The following HAO1 variants were observed in gnomAD, a reference collection of about 807,000 sequenced individuals.
HAO1 encodes hydroxyacid oxidase 1, also known as 2-Hydroxyacid oxidase 1.
HAO1 carries 34 observed loss-of-function variants against 39.7 expected under a neutral mutation model. That is an observed-to-expected ratio of 0.86 (90% CI 0.65 to 1.14). The LOEUF (loss-of-function observed/expected upper bound fraction) is 1.14, where lower values mean the gene tolerates loss of function less well. Ranked by LOEUF, HAO1 falls within the 50% of genes most tolerant of loss-of-function variation. The probability of loss-of-function intolerance (pLI) is 0.00; values close to 1 mark genes in which losing one functional copy is unlikely to be tolerated. For synonymous variants in HAO1, 172 were observed against 173.2 expected, an observed-to-expected ratio of 0.99 and a Z score of 0.05; for missense variants, 479 against 464.5, an observed-to-expected ratio of 1.03 and a Z score of -0.29.
chr20:7,918,956 T>C (rs1268469188), intron 2 of HAO1, among the ~76,000 whole-genome samples: 2 of 152,198 alleles, frequency 1.3e-5, no homozygotes, highest in Non-Finnish European at 2.9e-5. Context: ...TCATTGCATT[T>C]TGCAAAGGAC....
At position 7,885,917 on chromosome 20, in the gene HAO1, C is replaced by T. The variant is rs958054128; in HGVS notation, c.814-53G>A. 4.7e-6 allele frequency: 7 copies of T among 1,476,262 alleles called. No individual in the cohort carries two copies. In the African/African-American group the frequency reaches 9.7e-5, roughly 20 times the overall value. 91.4% of individuals were successfully genotyped at this position (1,476,262 alleles called of 1,614,324 possible). On this transcript the variant is annotated intron_variant, in intron 5 of 7. Coordinates refer to ENST00000378789, the MANE Select transcript of HAO1 (RefSeq NM_017545.3). ...ACTCTATTAACACTGAATTGTTATT[C>T]AACTCCACCTCCAAAAACCACTGAC...
Position 7,885,822 on chromosome 20 carries a change from C to T in HAO1, c.856G>A (p.Val286Met), listed in dbSNP as rs773694840. ...ACACCCCCGTCCAGGAAGACTTCCA[C>T]CTTCCCTTCCACAGCCTCCACAATT... ...PEIVEAVEGK[V>M]EVFLDGGVRK... is the part of the protein sequence containing the mutation. Residue 286 changes from valine (V) to methionine (M), a missense_variant, in exon 6 of 8, where the codon GTG (valine) becomes ATG (methionine). Val to Met is a conservative substitution (Grantham distance 21). Coordinates refer to ENST00000378789, the MANE Select transcript of HAO1 (RefSeq NM_017545.3). 1 of 1,613,436 alleles carries T rather than the reference C, an allele frequency of 6.2e-7. No homozygotes were observed. The highest frequency in any genetic ancestry group is 1.1e-5 in the South Asian group (1 of 91,076).
At chr20:7,903,797 TAGCAGTGGTGGTGGGTGGC>T (rs1014471697) in intron 4 of HAO1, among the ~76,000 whole-genome samples, 6 of 143,262 alleles carry the variant, frequency 4.2e-5, no homozygotes, top group Admixed American at 3.5e-4. Flanking sequence ...GTGATGGTGA[TAGCAGTGGTGGTGGGTGGC>T]AGCAGTGCTG....
intron 4 of HAO1, among the ~76,000 whole-genome samples, chr20:7,902,883 C>A (rs1307497456): frequency 6.6e-6 from 1 of 152,182 alleles, no homozygotes; most frequent in Non-Finnish European, 1.5e-5. Context: ...TTACATCTTC[C>A]ATTCTAATTT....
chr20:7,889,147 A>G (rs185605086), intron 5 of HAO1, among the ~76,000 whole-genome samples: 49 of 152,186 alleles, frequency 3.2e-4, no homozygotes, highest in African/African-American at 9.4e-4. Flanking sequence ...AAGCCATCTG[A>G]TACATTAAAT....
At chr20:7,905,604 A>T (rs931704546) in intron 4 of HAO1, among the ~76,000 whole-genome samples, 1 of 152,202 alleles carries the variant, frequency 6.6e-6, no homozygotes, top group Non-Finnish European at 1.5e-5. Flanking sequence ...TGGAGGAAAT[A>T]GTTAAGTTTC....
intron 2 of HAO1, among the ~76,000 whole-genome samples, chr20:7,917,534 A>G (rs574489630): frequency 1.3e-5 from 2 of 152,142 alleles, no homozygotes; most frequent in East Asian, 3.9e-4. Flanking sequence ...CAGGGCAGTG[A>G]CATCCAAGAG....
In HAO1 at chr20:7,887,973, A is replaced by G. The variant is rs1158791125; in HGVS notation, c.814-2109T>C. The stretch of plus-strand genomic sequence containing the variant: ...CTGATCAAACAGATTAGATAAATAA[A>G]TACAGTAGACAGACTCACTATGTTA... On this transcript the variant is annotated intron_variant, in intron 5 of 7. Coordinates refer to ENST00000378789, the MANE Select transcript of HAO1 (RefSeq NM_017545.3). 2.6e-5 allele frequency among the ~76,000 whole-genome samples: 4 copies of G among 152,170 alleles called. No individual in the cohort carries two copies. In the East Asian group the frequency reaches 7.7e-4, roughly 29 times the overall value.
chr20:7,890,984 C>T (rs536878798), intron 5 of HAO1, among the ~76,000 whole-genome samples: 5 of 152,146 alleles, frequency 3.3e-5, no homozygotes, highest in South Asian at 2.1e-4. Flanking sequence ...ACTTTGTAAT[C>T]GTGAACTGTG....
intron 4 of HAO1, among the ~76,000 whole-genome samples, chr20:7,903,450 G>A (rs546118086): frequency 1.3e-5 from 2 of 152,180 alleles, no homozygotes; most frequent in Admixed American, 1.3e-4. Flanking sequence ...AAGAGAGGTG[G>A]TGATGATGGT....
chr20:7,903,090 T>C (rs1219213264), intron 4 of HAO1, among the ~76,000 whole-genome samples: 1 of 152,182 alleles, frequency 6.6e-6, no homozygotes, highest in Non-Finnish European at 1.5e-5. Context: ...GAAAATTGGA[T>C]TTCCCAGAAC....
chr20:7,929,080 T>C (rs930211593), intron 2 of HAO1, among the ~76,000 whole-genome samples: 7 of 152,012 alleles, frequency 4.6e-5, no homozygotes, highest in African/African-American at 1.7e-4. Flanking sequence ...TGTTTGTTTG[T>C]TTGTTTGTTT....
intron 4 of HAO1, among the ~76,000 whole-genome samples, chr20:7,902,911 A>C (rs772358114): frequency 6.6e-6 from 1 of 152,224 alleles, no homozygotes; most frequent in Admixed American, 6.5e-5. Flanking sequence ...TTAAAATACA[A>C]TTATTAAAAT....
chr20:7,926,855 T>A (rs1421163431), intron 2 of HAO1, among the ~76,000 whole-genome samples: 1 of 148,552 alleles, frequency 6.7e-6, no homozygotes, highest in Non-Finnish European at 1.5e-5. Context: ...CTGGAATTTC[T>A]TTTAAAACTT....
intron 4 of HAO1, among the ~76,000 whole-genome samples, chr20:7,903,066 A>G (rs1249722719): frequency 6.6e-6 from 1 of 152,218 alleles, no homozygotes; most frequent in African/African-American, 2.4e-5. Flanking sequence ...CTGCATGAGG[A>G]CCTGTGAAAT....
rs546698094 is a variant in HAO1 at position 7,886,415 on chromosome 20, C to A, written c.814-551G>T. 4.4e-4 allele frequency among the ~76,000 whole-genome samples: 67 copies of A among 152,070 alleles called. 1 individual carries two copies. The highest frequency in any genetic ancestry group is 8.5e-4 in the Non-Finnish European group (58 of 68,022). ...TCTCGAACTCCTGACCTCAAGTGAT[C>A]TGCCTGCCTCAGCCTCCCAAAGTGC... On this transcript the variant is annotated intron_variant, in intron 5 of 7. Coordinates refer to ENST00000378789, the MANE Select transcript of HAO1 (RefSeq NM_017545.3).
At chr20:7,931,853 C>A (rs1444759492) in intron 2 of HAO1, among the ~76,000 whole-genome samples, 1 of 152,006 alleles carries the variant, frequency 6.6e-6, no homozygotes, top group Non-Finnish European at 1.5e-5. Flanking sequence ...CTGTCATTGA[C>A]GAGCTATGAA....
chr20:7,934,965 G>T lies in HAO1; in HGVS notation c.138-330C>A, dbSNP rs553725369. ...CCATGACAATCAAGATCTAGAAAAA[G>T]TTCAATCATTCCCAAAAAAGTCCCC... On this transcript the variant is annotated intron_variant, in intron 1 of 7. Coordinates refer to ENST00000378789, the MANE Select transcript of HAO1 (RefSeq NM_017545.3). 2.0e-5 allele frequency among the ~76,000 whole-genome samples: 3 copies of T among 152,210 alleles called. No individual in the cohort carries two copies. The South Asian group carries it at 6.2e-4, about 32-fold the overall frequency.
At chr20:7,937,689 G>A (rs2050419428) in intron 1 of HAO1, among the ~76,000 whole-genome samples, 1 of 152,156 alleles carries the variant, frequency 6.6e-6, no homozygotes, top group Non-Finnish European at 1.5e-5. Flanking sequence ...GAAGACCATA[G>A]TTGAGAAGGC....
Sources: allele counts gnomAD v4.1 joint callset (sites outside exome capture counted in the v4.1 genomes callset), GRCh38; gene constraint gnomAD v4.1.1; transcripts MANE v1.5; gene names NCBI Gene and HGNC (gene_info 2026-07-23, HGNC 2026-07-21).